Variants in CDKL1 observed in about 807,000 individuals in gnomAD.
CDKL1 encodes cyclin-dependent kinase-like 1.
Under a neutral mutation model 42.0 loss-of-function variants are expected in CDKL1, and 41 were observed. The observed-to-expected ratio is 0.98, with a 90% CI of 0.76 to 1.27. The LOEUF is 1.27. CDKL1 is among the 50% of genes most tolerant of loss of function. CDKL1 has a pLI of 0.00. For missense variants in CDKL1, 394 were observed against 428.4 expected, an observed-to-expected ratio of 0.92 and a Z score of 0.71; for synonymous variants, 153 against 158.6, an observed-to-expected ratio of 0.96 and a Z score of 0.26.
intron 7 of CDKL1, among the ~76,000 whole-genome samples, chr14:50,338,337 C>T (rs895369151): frequency 6.6e-6 from 1 of 152,068 alleles, no homozygotes; most frequent in Non-Finnish European, 1.5e-5. Context: ...AAGCAATTCT[C>T]CTGCCTCAGC....
At position 50,359,014 on chromosome 14, in the gene CDKL1, G is replaced by A. The variant is rs1290150628; in HGVS notation, c.290+14C>T. The A allele has an allele frequency of 6.2e-7, 1 of 1,607,024 alleles. No individual in the cohort carries two copies. The highest frequency in any genetic ancestry group is 8.5e-7 in the Non-Finnish European group (1 of 1,175,922). On this transcript the variant is annotated intron_variant, in intron 3 of 9. Coordinates refer to ENST00000395834, the MANE Select transcript of CDKL1 (RefSeq NM_004196.7). ...GTGTGTCTTTGTTTTGCTTGTAAGG[G>A]ATGGATCACTCACCCTCTTTGGTAT...
intron 6 of CDKL1, among the ~76,000 whole-genome samples, 161 bp downstream of exon 6, chr14:50,340,871 T>C (rs955911590): frequency 2.0e-5 from 3 of 152,244 alleles, no homozygotes; most frequent in African/African-American, 7.2e-5. Flanking sequence ...AAAACAAATA[T>C]GGCCACCTTT....
chr14:50,338,316 C>T (rs748160614), intron 7 of CDKL1, among the ~76,000 whole-genome samples: 1 of 151,782 alleles, frequency 6.6e-6, no homozygotes, highest in Non-Finnish European at 1.5e-5. Context: ...CAACCTCCAC[C>T]TCCTGGGCTC....
chr14:50,380,283 G>T (rs1173564880), intron 2 of CDKL1: 16 of 520,570 alleles, frequency 3.1e-5, no homozygotes, highest in Non-Finnish European at 3.5e-5. Flanking sequence ...AAAGACTTAG[G>T]AATGCAGAGG....
chr14:50,389,052 T>C (rs1332966103), intron 2 of CDKL1, among the ~76,000 whole-genome samples: 2 of 142,556 alleles, frequency 1.4e-5, no homozygotes, highest in Non-Finnish European at 3.0e-5. Context: ...TGAGCCGAGA[T>C]TGCGCTATTG....
chr14:50,397,195 C>T (rs758070025), upstream of CDKL1: 9 of 1,366,596 alleles, frequency 6.6e-6, no homozygotes, highest in South Asian at 9.1e-5. Context: ...GTCCACATTT[C>T]CCTGCAACAG....
intron 2 of CDKL1, chr14:50,378,178 T>A: frequency 7.3e-7 from 1 of 1,366,328 alleles, no homozygotes; most frequent in Non-Finnish European, 9.8e-7. Context: ...TTCCTTTACC[T>A]GCAGACCTTA....
intron 2 of CDKL1, chr14:50,380,138 GC>G (rs1413070514): frequency 3.8e-6 from 2 of 525,630 alleles, no homozygotes; most frequent in Non-Finnish European, 7.8e-6. Flanking sequence ...TGAAGTAAGA[GC>G]CAATATGGCA....
At chr14:50,343,110 C>A in intron 4 of CDKL1, 22 of 969,548 alleles carry the variant, frequency 2.3e-5, no homozygotes, top group Non-Finnish European at 2.5e-5. Flanking sequence ...CATTAAATGA[C>A]AATTTCTTTG....
At chr14:50,335,133 A>C (rs1256198624) in intron 7 of CDKL1, among the ~76,000 whole-genome samples, 1 of 151,372 alleles carries the variant, frequency 6.6e-6, no homozygotes, top group Non-Finnish European at 1.5e-5. Context: ...CTCTCTAAAA[A>C]AAATACCAAA....
intron 2 of CDKL1, among the ~76,000 whole-genome samples, chr14:50,377,241 G>A (rs2139505304): frequency 6.6e-6 from 1 of 152,314 alleles, no homozygotes; most frequent in Non-Finnish European, 1.5e-5. Context: ...CTTGTGTGAT[G>A]CTGAGGTGTG....
Position 50,385,666 on chromosome 14 carries a change from C to T in CDKL1, c.168+10035G>A, listed in dbSNP as rs12588569. ...TAAAAATACAAACATTAGCCAGGCG[C>T]GGTGGCAGGTGCCTGTAATCCCAGC... On this transcript the variant is annotated intron_variant, in intron 2 of 9. Coordinates refer to ENST00000395834, the MANE Select transcript of CDKL1 (RefSeq NM_004196.7). Among the ~76,000 whole-genome samples the T allele has an allele frequency of 4.2e-4, 64 of 151,770 alleles. No individual in the cohort carries two copies. The East Asian group carries it at 5.0e-3, about 12-fold the overall frequency.
chr14:50,387,370 G>T (rs1196113108), intron 2 of CDKL1, among the ~76,000 whole-genome samples: 1 of 151,350 alleles, frequency 6.6e-6, no homozygotes, highest in Non-Finnish European at 1.5e-5. Context: ...AAAAATACAA[G>T]AAATTAGTTA....
chr14:50,365,534 G>A (rs926125308), intron 2 of CDKL1, among the ~76,000 whole-genome samples: 5 of 152,032 alleles, frequency 3.3e-5, no homozygotes, highest in African/African-American at 1.2e-4. Context: ...CAGGTGACCC[G>A]AAAATACTCC....
intron 2 of CDKL1, chr14:50,378,164 C>T (rs2034788619): frequency 7.3e-7 from 1 of 1,365,820 alleles, no homozygotes; most frequent in South Asian, 1.1e-5. Flanking sequence ...TGTAGGTTAG[C>T]TGCTTCCTTT....
chr14:50,356,964 T>C (rs1399592623), intron 3 of CDKL1: 1 of 152,156 alleles, frequency 6.6e-6, no homozygotes, highest in Non-Finnish European at 1.5e-5. Flanking sequence ...AAAAAAGAGC[T>C]GACTTTCATT....
At chr14:50,335,472 C>T in intron 7 of CDKL1, 1 of 1,536,070 alleles carries the variant, frequency 6.5e-7, no homozygotes, top group Non-Finnish European at 8.7e-7. Context: ...GCTGTTTAAA[C>T]AGTCTCCTGT....
chr14:50,335,401 T>C lies in CDKL1; in HGVS notation c.739-780A>G. On this transcript the variant is annotated intron_variant, in intron 7 of 9. Coordinates refer to ENST00000395834, the MANE Select transcript of CDKL1 (RefSeq NM_004196.7). ...ACCCAGGTGAACAGATGCTTCTTGA[T>C]TTTCTGGAATAAACACTGTTGTCTC... 5 of 1,328,906 alleles carry C rather than the reference T, an allele frequency of 3.8e-6. 1 individual carries two copies. The South Asian group carries it at 6.3e-5, about 17-fold the overall frequency. 82.3% of individuals were successfully genotyped at this position (1,328,906 alleles called of 1,614,324 possible).
chr14:50,374,972 C>G lies in CDKL1; in HGVS notation c.169-15823G>C, dbSNP rs138368873. Among the ~76,000 whole-genome samples, 697 of 152,100 alleles carry G rather than the reference C, an allele frequency of 4.6e-3. 13 individuals carry two copies. The highest frequency in any genetic ancestry group is 0.016 in the African/African-American group (669 of 41,480). ...GGCAAGAGGAGGGAGAGCATTAGGA[C>G]AAATACCTAATGTGTGTGGGGCTTA... On this transcript the variant is annotated intron_variant, in intron 2 of 9. Coordinates refer to ENST00000395834, the MANE Select transcript of CDKL1 (RefSeq NM_004196.7).
Sources: gnomAD v4.1 joint callset for allele counts (sites outside exome capture counted in the v4.1 genomes callset) on GRCh38, gnomAD v4.1.1 for gene constraint, MANE v1.5 for transcripts, NCBI Gene and HGNC (gene_info 2026-07-23, HGNC 2026-07-21) for gene names.